Variants in SNRK observed in about 807,000 individuals in gnomAD.
The protein encoded by SNRK is SNF related kinase.
SNRK carries 3 observed loss-of-function variants against 48.2 expected under a neutral mutation model. The ratio of observed to expected loss-of-function variants is 0.06; its 90% CI spans 0.03 to 0.16. The LOEUF (loss-of-function observed/expected upper bound fraction) is 0.16, where lower values mean the gene tolerates loss of function less well. Among genes scored for constraint, SNRK ranks in the 10% least tolerant of loss-of-function variants. SNRK has a pLI of 1.00. For synonymous variants in SNRK, 376 were observed against 366.1 expected, an observed-to-expected ratio of 1.03 and a Z score of -0.31; for missense variants, 627 against 976.0, an observed-to-expected ratio of 0.64 and a Z score of 4.76.
intron 6 of SNRK, among the ~76,000 whole-genome samples, chr3:43,346,132 T>C (rs896755400): frequency 6.6e-6 from 1 of 152,188 alleles, no homozygotes; most frequent in African/African-American, 2.4e-5. Context: ...AACCAAGAAG[T>C]TAACCCATAA....
At chr3:43,310,155 T>C (rs2090969197) in intron 3 of SNRK, among the ~76,000 whole-genome samples, 1 of 152,146 alleles carries the variant, frequency 6.6e-6, no homozygotes, top group South Asian at 2.1e-4. Context: ...AATCTATGAA[T>C]CAGTCTTTGA....
At chr3:43,322,827 C>T (rs1032118725) in intron 3 of SNRK, among the ~76,000 whole-genome samples, 13 of 151,714 alleles carry the variant, frequency 8.6e-5, no homozygotes, top group Non-Finnish European at 1.9e-4. Context: ...TGGTGGGTGC[C>T]TGTAGTCCCA....
chr3:43,312,513 A>G (rs73831247), intron 3 of SNRK, among the ~76,000 whole-genome samples: 3,806 of 152,262 alleles, frequency 0.025, 163 homozygotes, highest in African/African-American at 0.085. Flanking sequence ...AGAATCTACA[A>G]AAACCCTACA....
In SNRK at chr3:43,303,121, G is replaced by GAAT; in HGVS notation, c.-82_-80dup. 1 of 993,994 alleles carries GAAT rather than the reference G, an allele frequency of 1.0e-6. No individual in the cohort carries two copies. 61.6% of individuals were successfully genotyped at this position (993,994 alleles called of 1,614,324 possible). On this transcript the variant is annotated 5_prime_UTR_variant, in exon 3 of 7. Transcript: ENST00000296088. This position sits in a 1 kb window ranked among gnomAD's most constrained non-coding sequence, Gnocchi z 6.2. ...AGATATCCATGACGACATTGAAAAT[G>GAAT]AATTTTTTGTATTCACCAGATATTC... is the stretch of plus-strand genomic sequence containing the variant.
chr3:43,291,797 T>C (rs1040324845), intron 1 of SNRK, among the ~76,000 whole-genome samples: 7 of 152,192 alleles, frequency 4.6e-5, no homozygotes, highest in African/African-American at 1.2e-4. Context: ...GTGAAGATAA[T>C]AAGAAAAGTT....
At chr3:43,305,603 C>T (rs1575536970) in intron 3 of SNRK, among the ~76,000 whole-genome samples, 1 of 151,728 alleles carries the variant, frequency 6.6e-6, no homozygotes, top group Admixed American at 6.6e-5. Context: ...CTGCCTCAGC[C>T]TCCCGAGTAG....
chr3:43,296,303 G>T (rs1249540709), intron 1 of SNRK, among the ~76,000 whole-genome samples: 1 of 151,200 alleles, frequency 6.6e-6, no homozygotes, highest in African/African-American at 2.4e-5. Context: ...TCATTTCTTG[G>T]TATGTGTAAA....
chr3:43,350,913 A>T lies in SNRK; in HGVS notation c.*2356A>T, dbSNP rs2091318688. ...CTGGCAATTCTATCTGTATTTAAAG[A>T]TGTGACAATCTTGACACCAATTTTA... is the stretch of plus-strand genomic sequence containing the variant. On this transcript the variant is annotated 3_prime_UTR_variant, in exon 7 of 7. Transcript: ENST00000296088. 1 of 152,636 alleles carries T rather than the reference A, an allele frequency of 6.6e-6. No individual in the cohort carries two copies. Among genetic ancestry groups the T allele is most frequent in the Non-Finnish European group, 1.5e-5 (1 of 68,046 alleles). 9.5% of individuals were successfully genotyped at this position (152,636 alleles called of 1,614,324 possible).
chr3:43,296,417 T>TATATATATATATATAC (rs1553632575), intron 1 of SNRK, among the ~76,000 whole-genome samples: 2 of 129,008 alleles, frequency 1.6e-5, no homozygotes, highest in African/African-American at 7.4e-5. Flanking sequence ...TATACTGGCA[T>TATATATATATATATAC]ATATATATAT....
rs776626820 is a variant in SNRK at position 43,343,521 on chromosome 3, T to C, written c.1079+43T>C. 7.5e-6 allele frequency: 12 copies of C among 1,589,470 alleles called. No individual in the cohort carries two copies. The South Asian group carries it at 1.0e-4, about 14-fold the overall frequency. Reference sequence around the variant, plus strand: ...ACTGATTTTAGTAAGTTTAACGTTTTGAAATAGCGAACTTTTTTTTTTTTT... The same window carrying C: ...ACTGATTTTAGTAAGTTTAACGTTTCGAAATAGCGAACTTTTTTTTTTTTT... On this transcript the variant is annotated intron_variant, in intron 6 of 6. Coordinates refer to ENST00000296088, the MANE Select transcript of SNRK (RefSeq NM_017719.5).
chr3:43,325,867 TTGAACCAGGTCTCTC>T (rs1407026969), intron 3 of SNRK, among the ~76,000 whole-genome samples: 1 of 152,152 alleles, frequency 6.6e-6, no homozygotes, highest in African/African-American at 2.4e-5. Context: ...ATCAGAGGAT[TTGAACCAGGTCTCTC>T]TGAAGCTTTA....
In SNRK at chr3:43,303,290, G is replaced by A. The variant is rs1007782862; in HGVS notation, c.87G>A (p.Val29=). ...CCTTGGGTCGAGGCCATTTTGCCGT[G>A]GTTAAACTTGCCAGGCATGTCTTTA... ...DKTLGRGHFA[V]VKLARHVFTG... is the part of the protein sequence containing the mutation. Residue 29 remains valine (V), a synonymous_variant, in exon 3 of 7, where the codon GTG becomes GTA. Transcript: ENST00000296088. This position sits in a 1 kb window ranked among gnomAD's most constrained non-coding sequence, Gnocchi z 6.2. 1.4e-5 allele frequency: 22 copies of A among 1,614,114 alleles called. No homozygotes were observed. The highest frequency in any genetic ancestry group is 1.8e-5 in the Non-Finnish European group (21 of 1,180,022).
chr3:43,323,462 G>A (rs1177698912), intron 3 of SNRK, among the ~76,000 whole-genome samples: 2 of 152,202 alleles, frequency 1.3e-5, no homozygotes, highest in Admixed American at 6.5e-5. Context: ...ACCAAGTGCT[G>A]GCAAGGGTGT....
intron 3 of SNRK, among the ~76,000 whole-genome samples, chr3:43,330,928 TA>T (rs1186593694): frequency 6.6e-6 from 1 of 152,236 alleles, no homozygotes; most frequent in Non-Finnish European, 1.5e-5. Context: ...TTGTACGTAT[TA>T]AAAAATCACA....
At chr3:43,287,216 G>T (rs1035306950) in intron 1 of SNRK, among the ~76,000 whole-genome samples, 1 of 152,212 alleles carries the variant, frequency 6.6e-6, no homozygotes. Flanking sequence ...GGGCAAAGGG[G>T]TAAGGAAAGA....
chr3:43,295,835 G>A (rs1239918356), intron 1 of SNRK, among the ~76,000 whole-genome samples: 2 of 152,056 alleles, frequency 1.3e-5, no homozygotes, highest in African/African-American at 2.4e-5. Context: ...ACCTCCTGTG[G>A]TCAAGCGATT....
At position 43,312,114 on chromosome 3, in the gene SNRK, C is replaced by G. The variant is rs370941903; in HGVS notation, c.589+8322C>G. ...TGTTACAGATCTGGATTTAAAAACC[C>G]TTATTTTAGGCGTTTCCTAGTATAC... On this transcript the variant is annotated intron_variant, in intron 3 of 6. Transcript: ENST00000296088. Among the ~76,000 whole-genome samples the G allele has an allele frequency of 3.9e-4, 60 of 152,184 alleles. 3 individuals carry two copies. In the East Asian group the frequency reaches 0.011, roughly 29 times the overall value.
At chr3:43,341,412 A>G (rs1022388162) in intron 5 of SNRK, among the ~76,000 whole-genome samples, 5 of 152,156 alleles carry the variant, frequency 3.3e-5, no homozygotes, top group African/African-American at 9.7e-5. Context: ...TGGCCTCCCA[A>G]AGTGCTGGGA....
chr3:43,343,567 T>C (rs1365968713), intron 6 of SNRK, 89 bp downstream of exon 6: 51 of 1,392,706 alleles, frequency 3.7e-5, no homozygotes, highest in African/African-American at 1.0e-4. Flanking sequence ...CCTAACTCTT[T>C]GGGGCAAGAG....
Sources: gnomAD v4.1 joint callset for allele counts (sites outside exome capture counted in the v4.1 genomes callset) on GRCh38, gnomAD v4.1.1 for gene constraint, Gnocchi (gnomAD v3.1) non-coding constraint, MANE v1.5 for transcripts, NCBI Gene and HGNC (gene_info 2026-07-23, HGNC 2026-07-21) for gene names.